The following RALYL variants were observed in gnomAD, a reference collection of about 807,000 sequenced individuals.
RALYL encodes the protein RNA-binding Raly-like protein.
Under a neutral mutation model 35.1 loss-of-function variants are expected in RALYL, and 29 were observed. The ratio of observed to expected loss-of-function variants is 0.83; its 90% confidence interval spans 0.61 to 1.13. The LOEUF (loss-of-function observed/expected upper bound fraction) is 1.13, where lower values mean the gene tolerates loss of function less well. Ranked by LOEUF, RALYL falls within the 50% of genes most tolerant of loss-of-function variation. The pLI, the probability that RALYL is intolerant of heterozygous loss-of-function variation, is 0.00. For missense variants in RALYL, 359 were observed against 360.4 expected, an observed-to-expected ratio of 1.00 and a Z score of 0.03; for synonymous variants, 120 against 127.6, an observed-to-expected ratio of 0.94 and a Z score of 0.40.
At chr8:84,352,984 C>T (rs547955962) in intron 1 of RALYL, among the ~76,000 whole-genome samples, 13 of 150,202 alleles carry the variant, frequency 8.7e-5, no homozygotes, top group Admixed American at 2.6e-4. Flanking sequence ...CCAATTGCCG[C>T]GACCCCTGTT....
At chr8:84,525,975 T>G (rs2058861848) in intron 1 of RALYL, among the ~76,000 whole-genome samples, 1 of 106,664 alleles carries the variant, frequency 9.4e-6, no homozygotes, top group African/African-American at 3.4e-5. Flanking sequence ...TTTTTTTTTT[T>G]GAGACAGAGC....
intron 2 of RALYL, chr8:84,679,827 T>G (rs552520613): frequency 2.3e-6 from 1 of 425,930 alleles, no homozygotes; most frequent in Non-Finnish European, 4.6e-6. Context: ...ATCTAGAGGG[T>G]CAGACTCACA....
At chr8:84,673,247 T>G (rs1483568434) in intron 2 of RALYL, among the ~76,000 whole-genome samples, 1 of 152,232 alleles carries the variant, frequency 6.6e-6, no homozygotes, top group Non-Finnish European at 1.5e-5. Context: ...GTGTTTAAGT[T>G]ACTTGTAGAT....
At chr8:84,670,996 T>C (rs1833100083) in intron 2 of RALYL, among the ~76,000 whole-genome samples, 1 of 152,182 alleles carries the variant, frequency 6.6e-6, no homozygotes, top group Non-Finnish European at 1.5e-5. Flanking sequence ...TTAGAGCCTG[T>C]AAAATCAAAA....
intron 2 of RALYL, among the ~76,000 whole-genome samples, chr8:84,739,353 A>G (rs185178690): frequency 2.6e-5 from 4 of 151,444 alleles, no homozygotes; most frequent in Admixed American, 1.4e-4. Flanking sequence ...ATAGTTTAGT[A>G]TCAAAAAAAA....
chr8:84,571,699 T>A (rs1235432104), intron 2 of RALYL, among the ~76,000 whole-genome samples: 1 of 151,858 alleles, frequency 6.6e-6, no homozygotes, highest in African/African-American at 2.4e-5. Flanking sequence ...TAAGGTGTGA[T>A]ATTAGGTTGT....
intron 2 of RALYL, among the ~76,000 whole-genome samples, chr8:84,593,142 G>T (rs945740958): frequency 2.0e-5 from 3 of 151,850 alleles, no homozygotes; most frequent in Non-Finnish European, 4.4e-5. Flanking sequence ...GTAAGGTAGG[G>T]GTCCAAATTC....
intron 1 of RALYL, among the ~76,000 whole-genome samples, chr8:84,287,582 G>A (rs537694344): frequency 2.6e-4 from 40 of 151,668 alleles, no homozygotes; most frequent in Non-Finnish European, 3.1e-4. Context: ...AGAAGGAAAT[G>A]GTCTGGAAGT....
chr8:84,427,001 A>C (rs980087649), intron 1 of RALYL, among the ~76,000 whole-genome samples: 1 of 152,216 alleles, frequency 6.6e-6, no homozygotes, highest in African/African-American at 2.4e-5. Context: ...CTCCCATGTC[A>C]TGTTCATTGT....
chr8:84,699,766 G>A (rs1441752879), intron 2 of RALYL, among the ~76,000 whole-genome samples: 1 of 152,106 alleles, frequency 6.6e-6, no homozygotes, highest in Non-Finnish European at 1.5e-5. Context: ...GAGGTAGTTT[G>A]TTGCAGATGA....
intron 2 of RALYL, among the ~76,000 whole-genome samples, chr8:84,651,182 T>G (rs1025382756): frequency 1.3e-5 from 2 of 151,892 alleles, no homozygotes; most frequent in Non-Finnish European, 2.9e-5. Flanking sequence ...GTAACTAACC[T>G]GCACATTGTG....
chr8:84,651,948 A>C (rs1588767783), intron 2 of RALYL, among the ~76,000 whole-genome samples: 1 of 152,068 alleles, frequency 6.6e-6, no homozygotes, highest in African/African-American at 2.4e-5. Context: ...GAATATTTCT[A>C]CAAGTCTTTG....
At chr8:84,292,388 G>A (rs1196098568) in intron 1 of RALYL, among the ~76,000 whole-genome samples, 1 of 152,104 alleles carries the variant, frequency 6.6e-6, no homozygotes, top group East Asian at 1.9e-4. Flanking sequence ...TATTAACAGA[G>A]TACACACAGA....
intron 2 of RALYL, among the ~76,000 whole-genome samples, chr8:84,659,348 G>A (rs1247841314): frequency 3.3e-5 from 5 of 152,064 alleles, no homozygotes; most frequent in African/African-American, 4.8e-5. Flanking sequence ...AGTTGATAGG[G>A]TCTGGCTGCG....
chr8:84,698,154 C>G (rs1839501296), intron 2 of RALYL, among the ~76,000 whole-genome samples: 1 of 152,066 alleles, frequency 6.6e-6, no homozygotes, highest in Non-Finnish European at 1.5e-5. Flanking sequence ...GCTCTTTGAA[C>G]TTGGCCCTTG....
At chr8:84,541,715 T>A (rs1323850752) in intron 2 of RALYL, among the ~76,000 whole-genome samples, 1 of 152,084 alleles carries the variant, frequency 6.6e-6, no homozygotes, top group Non-Finnish European at 1.5e-5. Context: ...CTTTATTTTG[T>A]TTTATATATT....
intron 2 of RALYL, among the ~76,000 whole-genome samples, chr8:84,599,231 A>G (rs907629855): frequency 5.3e-5 from 8 of 152,084 alleles, no homozygotes; most frequent in Non-Finnish European, 1.2e-4. Context: ...AAAATTTCAT[A>G]TATGTGCTAT....
intron 6 of RALYL, among the ~76,000 whole-genome samples, chr8:84,863,325 C>G (rs142912317): frequency 1.3e-3 from 196 of 152,204 alleles, no homozygotes; most frequent in African/African-American, 4.6e-3. Flanking sequence ...AGAAAATGGT[C>G]AGTGCAGAGA....
chr8:84,905,264 T>A (rs1482901097), intron 8 of RALYL, among the ~76,000 whole-genome samples: 2 of 152,196 alleles, frequency 1.3e-5, no homozygotes, highest in African/African-American at 4.8e-5. Context: ...TTCCTTCTTT[T>A]TTAAGGCTAA....
Sources: gnomAD v4.1 joint callset for allele counts (sites outside exome capture counted in the v4.1 genomes callset) on GRCh38, gnomAD v4.1.1 for gene constraint, MANE v1.5 for transcripts, NCBI Gene and HGNC (gene_info 2026-07-23, HGNC 2026-07-21) for gene names.